The following BPIFA2 variants were observed in gnomAD, a reference collection of about 807,000 sequenced individuals.
BPIFA2 encodes BPI fold containing family A member 2.
In BPIFA2, 20 loss-of-function variants were observed where a neutral mutation model predicts 25.7. That is an observed-to-expected ratio of 0.78 (90% CI 0.55 to 1.13). BPIFA2 has a LOEUF of 1.13. Ranked by LOEUF, BPIFA2 falls within the 50% of genes most tolerant of loss-of-function variation. The pLI is 0.00. For synonymous variants in BPIFA2, 126 were observed against 124.3 expected (o/e 1.01, Z -0.09); for missense variants, 300 against 298.1 (o/e 1.01, Z -0.05).
At chr20:33,177,865 G>A (rs1984135577) in intron 5 of BPIFA2, among the ~76,000 whole-genome samples, 1 of 152,214 alleles carries the variant, frequency 6.6e-6, no homozygotes, top group Admixed American at 6.5e-5. Context: ...GCCCAGCTAG[G>A]TTCCTGGTGC....
At chr20:33,167,695 G>A (rs1983765947), upstream of BPIFA2, among the ~76,000 whole-genome samples, 2 of 152,224 alleles carry the variant, frequency 1.3e-5, no homozygotes, top group African/African-American at 4.8e-5. Flanking sequence ...CTGGGAGGCT[G>A]TCTGACTCCT....
intron 6 of BPIFA2, among the ~76,000 whole-genome samples, 171 bp from the exon 7 acceptor site, chr20:33,179,431 GAA>G (rs397973111): frequency 2.6e-4 from 31 of 117,880 alleles, no homozygotes; most frequent in African/African-American, 6.3e-4. Context: ...TTCTGTCTCA[GAA>G]AAAAAAAAAA....
intron 5 of BPIFA2, among the ~76,000 whole-genome samples, chr20:33,176,513 A>T (rs1362289127): frequency 6.6e-6 from 1 of 152,242 alleles, no homozygotes; most frequent in Admixed American, 6.5e-5. Context: ...CTGAAAACCA[A>T]AGAAAGTTTC....
At chr20:33,166,776 T>G (rs1016835872), upstream of BPIFA2, among the ~76,000 whole-genome samples, 1 of 152,180 alleles carries the variant, frequency 6.6e-6, no homozygotes, top group African/African-American at 2.4e-5. Context: ...ATTTTACAGA[T>G]GAGGCAACTG....
chr20:33,179,941 G>C (rs1984217081), intron 7 of BPIFA2, among the ~76,000 whole-genome samples: 1 of 152,188 alleles, frequency 6.6e-6, no homozygotes, highest in Non-Finnish European at 1.5e-5. Context: ...AAGTCAGCCA[G>C]GCGCAGTGGC....
At position 33,169,061 on chromosome 20, in the gene BPIFA2, A is replaced by G. The variant is rs6059138; in HGVS notation, c.-15-70A>G. On this transcript the variant is annotated intron_variant, in intron 1 of 8. Coordinates refer to ENST00000354932, the MANE Select transcript of BPIFA2 (RefSeq NM_080574.4). ...AATGGAATGCTAAATGTTAAGAGTGATGGGAACTCACTGAAGAGTCCATTT... is the reference window on the plus strand; with the variant it reads ...AATGGAATGCTAAATGTTAAGAGTGGTGGGAACTCACTGAAGAGTCCATTT... 128 of 1,306,130 alleles carry G rather than the reference A, an allele frequency of 9.8e-5. No individual in the cohort carries two copies. The African/African-American group carries it at 1.5e-3, about 16-fold the overall frequency. 80.9% of individuals were successfully genotyped at this position (1,306,130 alleles called of 1,614,324 possible). A position where few individuals can be genotyped will look rare whatever the true frequency, so the allele number is the denominator to read the frequency against.
chr20:33,177,389 G>A (rs6579086), intron 5 of BPIFA2, among the ~76,000 whole-genome samples: 4,272 of 151,808 alleles, frequency 0.028, 182 homozygotes, highest in African/African-American at 0.095. Context: ...AGCATCTGCT[G>A]TGTGCCAGGC....
intron 5 of BPIFA2, among the ~76,000 whole-genome samples, chr20:33,177,886 C>A (rs957693858): frequency 6.6e-6 from 1 of 152,156 alleles, no homozygotes; most frequent in Non-Finnish European, 1.5e-5. Context: ...ATAGCTGGTG[C>A]TCTGTAAATA....
rs1984039583 is a variant in BPIFA2 at position 33,175,408 on chromosome 20, C to T, written c.412C>T (p.Pro138Ser). The T allele has an allele frequency of 6.2e-7, 1 of 1,613,390 alleles. No homozygotes were observed. Among genetic ancestry groups the T allele is most frequent in the East Asian group, 2.2e-5 (1 of 44,836 alleles). ...CACTGTGCATCTTACTTCCTGCAGG[C>T]CCATCATTGGCCAGATTATCAACCT... ...PVTANVTVAG[P>S]IIGQIINLKA... The change falls in exon 5 of 9, where the codon CCC (proline) becomes TCC (serine). Residue 138 changes from proline (P) to serine (S), a missense_variant and splice_region_variant. By Grantham distance (74) the Pro-to-Ser change is moderately conservative. Coordinates refer to ENST00000354932, the MANE Select transcript of BPIFA2 (RefSeq NM_080574.4).
At chr20:33,175,317 C>G in intron 4 of BPIFA2, 90 bp from the exon 5 acceptor site, 2 of 1,296,950 alleles carry the variant, frequency 1.5e-6, no homozygotes, top group Non-Finnish European at 1.1e-6. Flanking sequence ...CATAGACATT[C>G]TGACTCATGT....
chr20:33,162,355 T>G (rs1246061714), intron 1 of BPIFA2, among the ~76,000 whole-genome samples: 2 of 152,150 alleles, frequency 1.3e-5, no homozygotes, highest in Admixed American at 1.3e-4. Context: ...ATTCCCCCTT[T>G]AATTTAATGC....
chr20:33,169,449 T>C, intron 2 of BPIFA2, 147 bp downstream of exon 2: 1 of 720,084 alleles, frequency 1.4e-6, no homozygotes, highest in South Asian at 2.0e-5. Context: ...CATTCGTTTA[T>C]CTTTCTAGAA....
At chr20:33,179,876 G>A (rs1984214744) in intron 7 of BPIFA2, among the ~76,000 whole-genome samples, 1 of 152,124 alleles carries the variant, frequency 6.6e-6, no homozygotes, top group African/African-American at 2.4e-5. Context: ...GGGGAGAAAT[G>A]GAGTAAGTAA....
intron 5 of BPIFA2, 76 bp downstream of exon 5, chr20:33,175,635 C>A: frequency 6.9e-7 from 1 of 1,455,052 alleles, no homozygotes; most frequent in Non-Finnish European, 9.4e-7. Flanking sequence ...TAGTCCTCTA[C>A]CTAAGAGGAG....
At chr20:33,166,777 G>A (rs961178997), upstream of BPIFA2, among the ~76,000 whole-genome samples, 13 of 152,322 alleles carry the variant, frequency 8.5e-5, no homozygotes, top group African/African-American at 2.6e-4. Flanking sequence ...TTTTACAGAT[G>A]AGGCAACTGA....
chr20:33,164,569 C>CTTTA (rs1369305549), upstream of BPIFA2, among the ~76,000 whole-genome samples: 9 of 151,820 alleles, frequency 5.9e-5, no homozygotes, highest in Admixed American at 5.9e-4. Flanking sequence ...CTCTTTCTTT[C>CTTTA]TTTCTTTCTT....
upstream of BPIFA2, among the ~76,000 whole-genome samples, chr20:33,165,232 T>A (rs1568605647): frequency 2.0e-5 from 3 of 152,246 alleles, no homozygotes; most frequent in Admixed American, 6.5e-5. Flanking sequence ...TTGCCCAGAA[T>A]TCCTGAGTAG....
chr20:33,167,314 C>T (rs555634713), upstream of BPIFA2, among the ~76,000 whole-genome samples: 1 of 152,334 alleles, frequency 6.6e-6, no homozygotes, highest in East Asian at 1.9e-4. Flanking sequence ...CGGGTTGACA[C>T]AGGCCCAATG....
At chr20:33,179,978 G>C (rs1234447606) in intron 7 of BPIFA2, among the ~76,000 whole-genome samples, 2 of 152,142 alleles carry the variant, frequency 1.3e-5, no homozygotes, top group Non-Finnish European at 2.9e-5. Flanking sequence ...AGCACTTTGC[G>C]AGGCTGAGGT....
Sources: allele counts gnomAD v4.1 joint callset (sites outside exome capture counted in the v4.1 genomes callset), GRCh38; gene constraint gnomAD v4.1.1; transcripts MANE v1.5; gene names NCBI Gene and HGNC (gene_info 2026-07-23, HGNC 2026-07-21).